The following ARNT2 variants were observed in gnomAD, a reference collection of about 807,000 sequenced individuals.
ARNT2 encodes ARNT protein 2.
Under a neutral mutation model 91.7 loss-of-function variants are expected in ARNT2, and 36 were observed. That is an observed-to-expected ratio of 0.39 (90% CI 0.30 to 0.52). The LOEUF (loss-of-function observed/expected upper bound fraction) is 0.52. Ranked by LOEUF, ARNT2 falls within the 20% of genes least tolerant of loss-of-function variation. ARNT2 has a pLI of 0.72. For missense variants in ARNT2, 775 were observed against 939.3 expected (o/e 0.83, Z 2.29); for synonymous variants, 365 against 347.1 (o/e 1.05, Z -0.57).
chr15:80,419,165 G>A (rs559450513), intron 1 of ARNT2, among the ~76,000 whole-genome samples: 2 of 152,270 alleles, frequency 1.3e-5, no homozygotes, highest in Admixed American at 1.3e-4. Flanking sequence ...AGGAGGGCTT[G>A]TAAAAACACA....
At chr15:80,587,291 A>T (rs1893190013) in intron 17 of ARNT2, among the ~76,000 whole-genome samples, 1 of 150,908 alleles carries the variant, frequency 6.6e-6, no homozygotes, top group Admixed American at 6.6e-5. Flanking sequence ...TGGGGGGGCT[A>T]TCTCTTCCTT....
At chr15:80,587,201 T>C (rs1410040068) in intron 17 of ARNT2, among the ~76,000 whole-genome samples, 1 of 152,212 alleles carries the variant, frequency 6.6e-6, no homozygotes, top group Non-Finnish European at 1.5e-5. Flanking sequence ...AGCTGCCCTT[T>C]GGTGCACCTT....
In ARNT2 at chr15:80,481,801, A is replaced by G. The variant is rs117318181; in HGVS notation, c.622+6578A>G. Among the ~76,000 whole-genome samples the G allele has an allele frequency of 6.8e-3, 1,040 of 152,346 alleles. 7 individuals are homozygous for G. Among genetic ancestry groups the G allele is most frequent in the Non-Finnish European group, 0.01 (701 of 68,022 alleles). ...TTTTTTAGATATAGGGTCTCACTAC[A>G]TTGCCTAGGTTGTTCTCAAACTTCT... On this transcript the variant is annotated intron_variant, in intron 5 of 18. Coordinates refer to ENST00000303329, the MANE Select transcript of ARNT2 (RefSeq NM_014862.4).
chr15:80,468,256 T>C (rs1352338951), intron 3 of ARNT2, among the ~76,000 whole-genome samples: 1 of 151,974 alleles, frequency 6.6e-6, no homozygotes, highest in Non-Finnish European at 1.5e-5. Context: ...TCCCTGCTGG[T>C]CCCAGCCTCC....
At chr15:80,540,917 T>G (rs1160931014) in intron 8 of ARNT2, among the ~76,000 whole-genome samples, 2 of 152,142 alleles carry the variant, frequency 1.3e-5, no homozygotes, top group African/African-American at 4.8e-5. Flanking sequence ...CCTAGATTGA[T>G]TTTATGTCTT....
rs1409676677 is a variant in ARNT2 at position 80,591,435 on chromosome 15, A to C, written c.1919-133A>C. ...AGCCAGTGAGAAAGACGAGGATAGC[A>C]AACACATTCCGCCAGCTCTGGATGG... On this transcript the variant is annotated intron_variant, in intron 17 of 18. Transcript: ENST00000303329. The surrounding 1 kb of genome is among the most constrained non-coding windows in gnomAD (Gnocchi z 5.1). 2.6e-6 allele frequency: 3 copies of C among 1,173,592 alleles called. No homozygotes were observed. The highest frequency in any genetic ancestry group is 3.7e-6 in the Non-Finnish European group (3 of 808,868). The allele number at this position is 1,173,592 out of a possible 1,614,324, so 72.7% of individuals were successfully genotyped here.
intron 5 of ARNT2, among the ~76,000 whole-genome samples, chr15:80,481,161 T>C (rs1417773248): frequency 6.6e-6 from 1 of 152,232 alleles, no homozygotes; most frequent in Non-Finnish European, 1.5e-5. Context: ...CCCTGAGAGC[T>C]TCATGGAAAT....
At chr15:80,430,052 G>A (rs988884618) in intron 1 of ARNT2, among the ~76,000 whole-genome samples, 5 of 152,098 alleles carry the variant, frequency 3.3e-5, no homozygotes, top group South Asian at 2.1e-4. Context: ...CCCCACCAGC[G>A]GTTACCAGGA....
At position 80,501,254 on chromosome 15, in the gene ARNT2, T is replaced by G. The variant is rs953805427; in HGVS notation, c.623-6902T>G. ...AGTAAAAGTCTAATAGTAAATTACC[T>G]ACTCAAAATAATATTAAAAGAGCCT... On this transcript the variant is annotated intron_variant, in intron 5 of 18. Transcript: ENST00000303329. Among the ~76,000 whole-genome samples the G allele has an allele frequency of 2.7e-5, 4 of 146,142 alleles. No homozygotes were observed. In the Admixed American group the frequency reaches 2.7e-4, roughly 10 times the overall value.
chr15:80,493,627 T>C (rs1897086030), intron 5 of ARNT2, among the ~76,000 whole-genome samples: 1 of 152,206 alleles, frequency 6.6e-6, no homozygotes, highest in Admixed American at 6.5e-5. Flanking sequence ...TGTCTTCTGC[T>C]TCCTGATTTC....
At chr15:80,451,243 C>A (rs1238901236) in intron 2 of ARNT2, among the ~76,000 whole-genome samples, 1 of 152,212 alleles carries the variant, frequency 6.6e-6, no homozygotes, top group Non-Finnish European at 1.5e-5. Context: ...TCCTGCTGGG[C>A]CTGGCTCAGG....
intron 8 of ARNT2, among the ~76,000 whole-genome samples, chr15:80,530,691 G>C (rs531337580): frequency 6.6e-6 from 1 of 152,246 alleles, no homozygotes; most frequent in South Asian, 2.1e-4. Flanking sequence ...TCAATCTGTT[G>C]AGCCAAAAGC....
At position 80,491,867 on chromosome 15, in the gene ARNT2, G is replaced by A. The variant is rs192798009; in HGVS notation, c.623-16289G>A. ...GTTCCAGCACCTTTGGTTTTTTGGT[G>A]ATTTTTTGCTTTGTTTTGCTTTTTA... On this transcript the variant is annotated intron_variant, in intron 5 of 18. Coordinates refer to ENST00000303329, the MANE Select transcript of ARNT2 (RefSeq NM_014862.4). Among the ~76,000 whole-genome samples the A allele has an allele frequency of 9.0e-5, 10 of 111,688 alleles. No individual in the cohort carries two copies. In the Admixed American group the frequency reaches 9.2e-4, roughly 10 times the overall value. 73.3% of individuals were successfully genotyped at this position (111,688 alleles called of 152,430 possible). A position where few individuals can be genotyped will look rare whatever the true frequency, so the allele number is the denominator to read the frequency against.
intron 1 of ARNT2, among the ~76,000 whole-genome samples, chr15:80,417,649 T>G (rs1895806315): frequency 6.6e-6 from 1 of 151,480 alleles, no homozygotes; most frequent in Admixed American, 6.6e-5. Flanking sequence ...TCCTTCCTTC[T>G]TTTCCTCCTT....
intron 5 of ARNT2, among the ~76,000 whole-genome samples, chr15:80,499,582 G>C (rs1468372553): frequency 6.6e-6 from 1 of 152,222 alleles, no homozygotes; most frequent in African/African-American, 2.4e-5. Flanking sequence ...AATCACTGCT[G>C]TTGAAAGAGC....
At chr15:80,474,929 G>T in intron 4 of ARNT2, 81 bp from the exon 5 acceptor site, 1 of 1,387,664 alleles carries the variant, frequency 7.2e-7, no homozygotes, top group East Asian at 2.3e-5. Context: ...AAAGGAAATT[G>T]AAGGCTGCTT....
In ARNT2 at chr15:80,580,707, C is replaced by T. The variant is rs573657567; in HGVS notation, c.1752+158C>T. 4.2e-5 allele frequency: 41 copies of T among 974,244 alleles called. No individual in the cohort carries two copies. In the African/African-American group the frequency reaches 5.2e-4, roughly 12 times the overall value. 60.3% of individuals were successfully genotyped at this position (974,244 alleles called of 1,614,324 possible). ...GCTACTCAGGAGCACCATCCACCCT[C>T]AGGGCTCTCGGAGAGCCAGGTGCCC... is the stretch of plus-strand genomic sequence containing the variant. On this transcript the variant is annotated intron_variant, in intron 16 of 18. Coordinates refer to ENST00000303329, the MANE Select transcript of ARNT2 (RefSeq NM_014862.4).
At chr15:80,564,760 C>T (rs1242701043) in intron 12 of ARNT2, among the ~76,000 whole-genome samples, 5 of 149,412 alleles carry the variant, frequency 3.3e-5, no homozygotes, top group South Asian at 2.2e-4. Context: ...TTAGTTCCCA[C>T]TTAAAGGTGA....
intron 1 of ARNT2, among the ~76,000 whole-genome samples, chr15:80,421,356 A>G (rs1398034867): frequency 6.9e-6 from 1 of 144,608 alleles, no homozygotes; most frequent in Admixed American, 7.0e-5. Flanking sequence ...CAATTCATCC[A>G]TGTATCCAAA....
Sources: gnomAD v4.1 joint callset for allele counts (sites outside exome capture counted in the v4.1 genomes callset) on GRCh38, gnomAD v4.1.1 for gene constraint, Gnocchi (gnomAD v3.1) non-coding constraint, MANE v1.5 for transcripts, NCBI Gene and HGNC (gene_info 2026-07-23, HGNC 2026-07-21) for gene names.